AMPH: variants seen among roughly 807,000 people sequenced by gnomAD.
AMPH encodes the protein amphiphysin.
A neutral mutation model predicts 99.1 loss-of-function variants in AMPH; 49 were observed. That is an observed-to-expected ratio of 0.49 (90% CI 0.39 to 0.63). The LOEUF (loss-of-function observed/expected upper bound fraction) is 0.63, where lower values mean the gene tolerates loss of function less well. Ranked by LOEUF, AMPH falls within the 20% of genes least tolerant of loss-of-function variation. The pLI is 0.00. For missense variants in AMPH, 759 were observed against 863.4 expected, an observed-to-expected ratio of 0.88 and a Z score of 1.52; for synonymous variants, 314 against 317.3, an observed-to-expected ratio of 0.99 and a Z score of 0.11.
chr7:38,429,967 A>G, intron 13 of AMPH, 102 bp from the exon 14 acceptor site: 1 of 1,119,908 alleles, frequency 8.9e-7, no homozygotes, highest in Non-Finnish European at 1.3e-6. Context: ...TGAAGGCTAT[A>G]GCTTTTACTG....
intron 19 of AMPH, among the ~76,000 whole-genome samples, chr7:38,390,709 A>T (rs1422054147): frequency 6.6e-6 from 1 of 152,206 alleles, no homozygotes; most frequent in Admixed American, 6.5e-5. Context: ...GAGGGTCTAT[A>T]TGGGGTGCCT....
intron 2 of AMPH, among the ~76,000 whole-genome samples, chr7:38,520,042 C>T (rs1439782444): frequency 6.6e-6 from 1 of 152,070 alleles, no homozygotes; most frequent in Non-Finnish European, 1.5e-5. Context: ...ATCATCTTGG[C>T]TATTATAACT....
At chr7:38,566,601 T>A (rs1584252712) in intron 1 of AMPH, among the ~76,000 whole-genome samples, 1 of 151,938 alleles carries the variant, frequency 6.6e-6, no homozygotes, top group African/African-American at 2.4e-5. Flanking sequence ...ATCATCAGAG[T>A]GAACAGGCAA....
At chr7:38,506,517 A>G (rs1475870380) in intron 2 of AMPH, among the ~76,000 whole-genome samples, 1 of 152,132 alleles carries the variant, frequency 6.6e-6, no homozygotes, top group Non-Finnish European at 1.5e-5. Flanking sequence ...AGAGAATAAT[A>G]TCTGAAATTT....
chr7:38,478,090 A>AC (rs1788153534), intron 5 of AMPH, among the ~76,000 whole-genome samples: 1 of 151,104 alleles, frequency 6.6e-6, no homozygotes. Context: ...AAACAAACAA[A>AC]ACAACAACAA....
At chr7:38,519,537 T>G (rs1789875269) in intron 2 of AMPH, among the ~76,000 whole-genome samples, 1 of 152,328 alleles carries the variant, frequency 6.6e-6, no homozygotes, top group Middle Eastern at 3.4e-3. Flanking sequence ...TTGAAGAACA[T>G]AACTTGGACT....
intron 5 of AMPH, among the ~76,000 whole-genome samples, chr7:38,484,430 C>T (rs1788410822): frequency 6.6e-6 from 1 of 151,912 alleles, no homozygotes. Context: ...AGAAGCAGGC[C>T]AGAAGGGCGT....
intron 1 of AMPH, among the ~76,000 whole-genome samples, chr7:38,593,805 G>C (rs1444321454): frequency 6.6e-6 from 1 of 152,180 alleles, no homozygotes; most frequent in African/African-American, 2.4e-5. Flanking sequence ...AGACAAGTAA[G>C]TAAAACACAT....
chr7:38,560,953 C>T (rs1029541910), intron 1 of AMPH, among the ~76,000 whole-genome samples: 1 of 152,210 alleles, frequency 6.6e-6, no homozygotes, highest in Admixed American at 6.5e-5. Context: ...CTTGTTCTCT[C>T]AAACTTGGGC....
chr7:38,498,246 G>A (rs984346219), intron 3 of AMPH, among the ~76,000 whole-genome samples: 1 of 152,050 alleles, frequency 6.6e-6, no homozygotes, highest in Non-Finnish European at 1.5e-5. Flanking sequence ...CCTGCCCACT[G>A]CCCTTCCCTG....
At chr7:38,445,010 T>TATATACACACACAC (rs1458295332) in intron 11 of AMPH, among the ~76,000 whole-genome samples, 7 of 125,988 alleles carry the variant, frequency 5.6e-5, no homozygotes, top group East Asian at 2.7e-4. Context: ...TATATATATA[T>TATATACACACACAC]ACACACACAC....
intron 5 of AMPH, among the ~76,000 whole-genome samples, chr7:38,485,726 A>G (rs1477923594): frequency 6.6e-6 from 1 of 151,992 alleles, no homozygotes; most frequent in Admixed American, 6.6e-5. Flanking sequence ...ATGAAGGGTC[A>G]CAAAACAAGT....
intron 20 of AMPH, among the ~76,000 whole-genome samples, chr7:38,385,749 T>G (rs1001119577): frequency 1.3e-5 from 2 of 152,132 alleles, no homozygotes; most frequent in African/African-American, 2.4e-5. Flanking sequence ...TCATGCAGAA[T>G]GGGAGATGAT....
At position 38,476,916 on chromosome 7, in the gene AMPH, G is replaced by A. The variant is rs140004238; in HGVS notation, c.450C>T (p.His150=). 1.9e-6 allele frequency: 3 copies of A among 1,613,838 alleles called. No individual in the cohort carries two copies. In the African/African-American group the frequency reaches 4.0e-5, roughly 22 times the overall value. The part of the protein sequence containing the change: ...RKLVDYDSAR[H]HLEALQSSKR... ...TGGAGCTCTGCAGAGCTTCCAGATG[G>A]TGGCGGGCACTGTCATAGTCCACTA... is the stretch of plus-strand genomic sequence containing the variant. The change falls in exon 6 of 21, where the codon CAC becomes CAT. Residue 150 remains histidine (H), a synonymous_variant. Coordinates refer to ENST00000356264, the MANE Select transcript of AMPH (RefSeq NM_001635.4).
intron 3 of AMPH, among the ~76,000 whole-genome samples, chr7:38,502,076 C>T (rs918358345): frequency 6.6e-6 from 1 of 152,132 alleles, no homozygotes; most frequent in Non-Finnish European, 1.5e-5. Context: ...TTTAATTTAA[C>T]CAACTGACCT....
intron 1 of AMPH, among the ~76,000 whole-genome samples, chr7:38,556,690 T>C (rs1360955407): frequency 2.0e-5 from 3 of 152,216 alleles, no homozygotes; most frequent in Non-Finnish European, 4.4e-5. Context: ...ACAGCAAATG[T>C]CACTACATTA....
intron 1 of AMPH, among the ~76,000 whole-genome samples, chr7:38,542,804 A>T (rs1238579318): frequency 6.6e-6 from 1 of 152,046 alleles, no homozygotes; most frequent in Non-Finnish European, 1.5e-5. Flanking sequence ...AAAATTAAAA[A>T]AGAAAAATTG....
chr7:38,570,945 T>TTATATATATATTCA lies in AMPH; in HGVS notation c.70-35935_70-35934insTGAATATATATATA, dbSNP rs1791928441. ...AAAAAATTTATATATATATATATAT[T>TTATATATATATTCA]TATATATATAGAATATATATATAGA... On this transcript the variant is annotated intron_variant, in intron 1 of 20. Transcript: ENST00000356264. Among the ~76,000 whole-genome samples the TTATATATATATTCA allele has an allele frequency of 8.8e-5, 2 of 22,684 alleles. 1 individual carries two copies. Among genetic ancestry groups the TTATATATATATTCA allele is most frequent in the Admixed American group, 9.0e-4 (2 of 2,214 alleles). 14.9% of individuals were successfully genotyped at this position (22,684 alleles called of 152,430 possible).
chr7:38,406,725 CCTT>C (rs1437900333), intron 17 of AMPH, among the ~76,000 whole-genome samples: 3,046 of 58,630 alleles, frequency 0.052, 86 homozygotes, highest in East Asian at 0.13. Flanking sequence ...TCTCTCTCTC[CCTT>C]TCCCTCTCTC....
Sources: allele counts gnomAD v4.1 joint callset (sites outside exome capture counted in the v4.1 genomes callset), GRCh38; gene constraint gnomAD v4.1.1; transcripts MANE v1.5; gene names NCBI Gene and HGNC (gene_info 2026-07-23, HGNC 2026-07-21).